SCG3: variants seen among roughly 807,000 people sequenced by gnomAD.
The protein encoded by SCG3 is secretogranin-3.
SCG3 carries 38 observed loss-of-function variants against 56.2 expected under a neutral mutation model. The ratio of observed to expected loss-of-function variants is 0.68; its 90% CI spans 0.52 to 0.89. The LOEUF (loss-of-function observed/expected upper bound fraction) is 0.89. SCG3 is among the 40% of genes least tolerant of loss of function. SCG3 has a pLI of 0.00. For missense variants in SCG3, 524 were observed against 540.7 expected (o/e 0.97, Z 0.31); for synonymous variants, 176 against 184.2 (o/e 0.96, Z 0.36).
At chr15:51,713,456 G>A in intron 11 of SCG3, 43 bp downstream of exon 11, 1 of 1,275,254 alleles carries the variant, frequency 7.8e-7, no homozygotes, top group Non-Finnish European at 1.1e-6. Flanking sequence ...TCACCCATTT[G>A]TCAGGGGCTC....
rs1453634471 is a variant in SCG3, at chr15:51,692,224, A to G, written c.756A>G (p.Thr252=). The change falls in exon 7 of 12, where the codon ACA becomes ACG. Residue 252 remains threonine, a synonymous_variant. Coordinates refer to ENST00000220478, the MANE Select transcript of SCG3 (RefSeq NM_013243.4). ...KGENDETVSN[T]LTLTNGLERR... is the part of the protein sequence containing the mutation. ...AAAACGATGAAACAGTATCTAACAC[A>G]TTAACCTTGACAAATGGCTTGGAAA... 4.3e-6 allele frequency: 7 copies of G among 1,614,126 alleles called. No individual in the cohort carries two copies. Among genetic ancestry groups the G allele is most frequent in the East Asian group, 2.2e-5 (1 of 44,876 alleles).
At chr15:51,690,997 A>C (rs116148760) in intron 6 of SCG3, among the ~76,000 whole-genome samples, 1 of 152,232 alleles carries the variant, frequency 6.6e-6, no homozygotes, top group African/African-American at 2.4e-5. Context: ...CAATTGCATT[A>C]AGTGCTCTGA....
chr15:51,713,371 A>T lies in SCG3; in HGVS notation c.1246A>T (p.Ile416Phe). 6.2e-7 allele frequency: 1 copy of T among 1,607,542 alleles called. No individual in the cohort carries two copies. Among genetic ancestry groups the T allele is most frequent in the East Asian group, 2.2e-5 (1 of 44,784 alleles). The stretch of plus-strand genomic sequence containing the variant: ...CTATTTGGAAGCCATCAGAAAAAAT[A>T]TTGAATGGTTGAAGAAACATGACAA... The part of the protein sequence containing the change: ...EAYLEAIRKN[I>F]EWLKKHDKKG... Residue 416 changes from isoleucine to phenylalanine, a missense_variant, in exon 11 of 12, where the codon ATT becomes TTT. By Grantham distance (21) the Ile-to-Phe change is conservative. Coordinates refer to ENST00000220478, the MANE Select transcript of SCG3 (RefSeq NM_013243.4).
chr15:51,700,110 T>C (rs1182086847), intron 9 of SCG3, among the ~76,000 whole-genome samples: 1 of 152,232 alleles, frequency 6.6e-6, no homozygotes, highest in Non-Finnish European at 1.5e-5. Flanking sequence ...CTTGATGGCA[T>C]AGTATACAGC....
chr15:51,687,004 A>G (rs996883712), intron 4 of SCG3, among the ~76,000 whole-genome samples: 7 of 152,242 alleles, frequency 4.6e-5, no homozygotes, highest in African/African-American at 1.7e-4. Context: ...GAGCAGAATC[A>G]GAATAGAAAT....
intron 9 of SCG3, among the ~76,000 whole-genome samples, chr15:51,699,825 C>A (rs554841636): frequency 6.6e-6 from 1 of 152,068 alleles, no homozygotes; most frequent in African/African-American, 2.4e-5. Flanking sequence ...TCTCTCTCCC[C>A]TGGGATGGTC....
intron 10 of SCG3, among the ~76,000 whole-genome samples, chr15:51,704,246 T>C (rs1460715443): frequency 2.1e-5 from 2 of 97,540 alleles, no homozygotes; most frequent in Non-Finnish European, 3.7e-5. Flanking sequence ...CATACATACA[T>C]ATATATATAT....
rs2055300272 is a variant in SCG3, at chr15:51,695,886, A to G, written c.880A>G (p.Lys294Glu). Residue 294 changes from lysine to glutamate, a missense_variant, in exon 8 of 12, where the codon AAA (lysine) becomes GAA (glutamate). Coordinates refer to ENST00000220478, the MANE Select transcript of SCG3 (RefSeq NM_013243.4). ...GTTCTTTCATATAGAAAAAGAAGCA[A>G]AAGAGAAAGAAACACTGATTACTAT... ...LKSIDSEKEA[K>E]EKETLITIMK... 6.3e-7 allele frequency: 1 copy of G among 1,594,798 alleles called. No individual in the cohort carries two copies. The highest frequency in any genetic ancestry group is 8.6e-7 in the Non-Finnish European group (1 of 1,165,554).
At chr15:51,704,008 T>A (rs2055354636) in intron 10 of SCG3, among the ~76,000 whole-genome samples, 2 of 151,754 alleles carry the variant, frequency 1.3e-5, no homozygotes, top group Admixed American at 1.3e-4. Flanking sequence ...GTGGCCCATG[T>A]TGTGAAAGTT....
At chr15:51,685,048 GA>G (rs2055219674) in intron 4 of SCG3, among the ~76,000 whole-genome samples, 1 of 152,180 alleles carries the variant, frequency 6.6e-6, no homozygotes, top group African/African-American at 2.4e-5. Context: ...ATCTCTGCCA[GA>G]AAACAACTGA....
At chr15:51,719,326 T>C in intron 11 of SCG3, 82 bp from the exon 12 acceptor site, 3 of 885,676 alleles carry the variant, frequency 3.4e-6, no homozygotes, top group Non-Finnish European at 5.5e-6. Context: ...TTGTATAAAA[T>C]GCTTCTCAGT....
At position 51,688,388 on chromosome 15, in the gene SCG3, C is replaced by T. The variant is rs1186001807; in HGVS notation, c.526C>T (p.Leu176Phe). 1 of 1,613,354 alleles carries T rather than the reference C, an allele frequency of 6.2e-7. No homozygotes were observed. The highest frequency in any genetic ancestry group is 1.7e-5 in the Admixed American group (1 of 59,944). ...AVFDKIVSKL[L>F]NLGLITESQA... ...GTTTGACAAGATTGTTTCTAAACTA[C>T]TTAATCTCGGCCTTGTAAGTCATTT... Residue 176 changes from leucine to phenylalanine, a missense_variant, in exon 5 of 12, where the codon CTT becomes TTT. Leu to Phe is a conservative substitution (Grantham distance 22). Transcript: ENST00000220478.
chr15:51,701,373 G>A, intron 10 of SCG3, 129 bp downstream of exon 10: 2 of 907,892 alleles, frequency 2.2e-6, no homozygotes, highest in Non-Finnish European at 3.2e-6. Context: ...TATAGAACAG[G>A]CTTGGCATGT....
Position 51,681,555 on chromosome 15 carries a change from T to G in SCG3, c.-201T>G, listed in dbSNP as rs1282000043. On this transcript the variant is annotated 5_prime_UTR_variant, in exon 1 of 12. Coordinates refer to ENST00000220478, the MANE Select transcript of SCG3 (RefSeq NM_013243.4). ...ACAGCGCTCCCCTCTACCTGGAGAC[T>G]TGACTCCCGCGCGCCCCAACCCTGC... 3.4e-6 allele frequency: 2 copies of G among 584,520 alleles called. No individual in the cohort carries two copies. 36.2% of individuals were successfully genotyped at this position (584,520 alleles called of 1,614,324 possible). A position where few individuals can be genotyped will look rare whatever the true frequency, so the allele number is the denominator to read the frequency against.
chr15:51,713,369 A>G lies in SCG3; in HGVS notation c.1244A>G (p.Asn415Ser). 1 of 1,607,516 alleles carries G rather than the reference A, an allele frequency of 6.2e-7. No homozygotes were observed. Among genetic ancestry groups the G allele is most frequent in the Non-Finnish European group, 8.5e-7 (1 of 1,177,766 alleles). Residue 415 changes from asparagine (N) to serine (S), a missense_variant, in exon 11 of 12, where the codon AAT (asparagine) becomes AGT (serine). By Grantham distance (46) the Asn-to-Ser change is conservative. Transcript: ENST00000220478. ...TEAYLEAIRK[N>S]IEWLKKHDKK... ...GCCTATTTGGAAGCCATCAGAAAAA[A>G]TATTGAATGGTTGAAGAAACATGAC...
intron 10 of SCG3, among the ~76,000 whole-genome samples, chr15:51,709,954 T>A (rs2055409892): frequency 6.9e-6 from 1 of 143,944 alleles, no homozygotes; most frequent in African/African-American, 2.6e-5. Context: ...GCCAGGATGG[T>A]CTGGATCTCC....
At position 51,689,222 on chromosome 15, in the gene SCG3, A is replaced by G; in HGVS notation, c.544A>G (p.Thr182Ala). The change falls in exon 6 of 12, where the codon ACA becomes GCA. Residue 182 changes from threonine (T) to alanine (A), a missense_variant. Coordinates refer to ENST00000220478, the MANE Select transcript of SCG3 (RefSeq NM_013243.4). The stretch of plus-strand genomic sequence containing the variant: ...ATGTTTTGCCTTTTTATGATAGATC[A>G]CAGAAAGCCAAGCACATACACTGGA... Reference protein sequence around the residue: ...VSKLLNLGLITESQAHTLEDE... With the variant: ...VSKLLNLGLIAESQAHTLEDE... 6.2e-7 allele frequency: 1 copy of G among 1,613,572 alleles called. No homozygotes were observed. The highest frequency in any genetic ancestry group is 1.1e-5 in the South Asian group (1 of 91,024).
chr15:51,718,536 ACTCT>A (rs2055474228), intron 11 of SCG3, among the ~76,000 whole-genome samples: 1 of 151,468 alleles, frequency 6.6e-6, no homozygotes, highest in Non-Finnish European at 1.5e-5. Context: ...TTTTATACCC[ACTCT>A]CTCCTTTCTC....
In SCG3 at chr15:51,719,853, A is replaced by G. The variant is rs1269501464; in HGVS notation, c.*327A>G. The stretch of plus-strand genomic sequence containing the variant: ...ATCCTTCTTCCACTGTCTCATCCAC[A>G]TAAGCACTCCCCGAAGAATTAAGGG... On this transcript the variant is annotated 3_prime_UTR_variant, in exon 12 of 12. Transcript: ENST00000220478. The G allele has an allele frequency of 4.6e-6, 1 of 219,150 alleles. No individual in the cohort carries two copies. The highest frequency in any genetic ancestry group is 2.3e-5 in the African/African-American group (1 of 43,600). 13.6% of individuals were successfully genotyped at this position (219,150 alleles called of 1,614,324 possible).
Sources: gnomAD v4.1 joint callset for allele counts (sites outside exome capture counted in the v4.1 genomes callset) on GRCh38, gnomAD v4.1.1 for gene constraint, MANE v1.5 for transcripts, NCBI Gene and HGNC (gene_info 2026-07-23, HGNC 2026-07-21) for gene names.